Variants in LSAMP observed in about 807,000 individuals in gnomAD.
The protein encoded by LSAMP is limbic system-associated membrane protein.
Under a neutral mutation model 38.6 loss-of-function variants are expected in LSAMP, and 7 were observed. The observed-to-expected ratio is 0.18, with a 90% CI of 0.10 to 0.34. The LOEUF is 0.34. Ranked by LOEUF, LSAMP falls within the 10% of genes least tolerant of loss-of-function variation. LSAMP has a pLI of 1.00. For missense variants in LSAMP, 313 were observed against 420.0 expected, an observed-to-expected ratio of 0.75 and a Z score of 2.23; for synonymous variants, 154 against 166.8, an observed-to-expected ratio of 0.92 and a Z score of 0.59.
At position 116,105,190 on chromosome 3, in the gene LSAMP, A is replaced by C. The variant is rs937742418; in HGVS notation, c.156-18634T>G. 2.6e-5 allele frequency among the ~76,000 whole-genome samples: 4 copies of C among 151,746 alleles called. No homozygotes were observed. In the South Asian group the frequency reaches 6.2e-4, roughly 24 times the overall value. On this transcript the variant is annotated intron_variant, in intron 1 of 6. Coordinates refer to ENST00000490035, the MANE Select transcript of LSAMP (RefSeq NM_002338.5). ...TTTGACTAGGGGGAAAAAAAAAAAA[A>C]CTGCCACAGCTGGTGATATACAGTC...
intron 1 of LSAMP, among the ~76,000 whole-genome samples, chr3:116,128,943 T>C (rs1709066648): frequency 6.6e-6 from 1 of 152,168 alleles, no homozygotes; most frequent in Admixed American, 6.5e-5. Context: ...TTCAGCGATG[T>C]GACAACATCC....
intron 1 of LSAMP, among the ~76,000 whole-genome samples, chr3:116,247,728 G>A (rs2046622261): frequency 6.6e-6 from 1 of 152,182 alleles, no homozygotes; most frequent in Non-Finnish European, 1.5e-5. Flanking sequence ...TCAGAAAGAA[G>A]AGACTTCAGT....
At chr3:116,040,516 C>G (rs1941145140) in intron 2 of LSAMP, among the ~76,000 whole-genome samples, 1 of 152,142 alleles carries the variant, frequency 6.6e-6, no homozygotes, top group Admixed American at 6.5e-5. Flanking sequence ...ATTTGTGTAC[C>G]CACCATTCTT....
chr3:116,316,841 G>A (rs953094725), intron 1 of LSAMP, among the ~76,000 whole-genome samples: 2 of 151,192 alleles, frequency 1.3e-5, no homozygotes, highest in African/African-American at 2.4e-5. Context: ...TTAAAAATGA[G>A]GTGTCAAGCA....
At chr3:116,275,356 C>T (rs1440527061) in intron 1 of LSAMP, among the ~76,000 whole-genome samples, 1 of 152,132 alleles carries the variant, frequency 6.6e-6, no homozygotes, top group Non-Finnish European at 1.5e-5. Flanking sequence ...CCCTGCCCCA[C>T]CGCCCACATT....
intron 2 of LSAMP, among the ~76,000 whole-genome samples, chr3:116,075,036 C>T (rs1707706083): frequency 6.6e-6 from 1 of 151,758 alleles, no homozygotes; most frequent in Non-Finnish European, 1.5e-5. Flanking sequence ...TGGGGTTTCT[C>T]CATGTTGGTC....
intron 1 of LSAMP, among the ~76,000 whole-genome samples, chr3:116,326,390 T>A (rs1041301224): frequency 2.0e-5 from 3 of 152,144 alleles, no homozygotes; most frequent in Non-Finnish European, 4.4e-5. Context: ...CCAGATCTGA[T>A]TCCTTTGAAC....
chr3:115,826,848 T>C (rs2107475428), intron 6 of LSAMP, among the ~76,000 whole-genome samples: 1 of 151,802 alleles, frequency 6.6e-6, no homozygotes, highest in South Asian at 2.1e-4. Flanking sequence ...CAAGAGCAAG[T>C]GGAGAGTACA....
intron 1 of LSAMP, among the ~76,000 whole-genome samples, chr3:116,292,016 A>G (rs976879889): frequency 2.0e-5 from 3 of 152,220 alleles, no homozygotes; most frequent in South Asian, 2.1e-4. Flanking sequence ...CTCAGCAATC[A>G]TCAACATAAA....
chr3:116,228,492 G>A (rs1009922781), intron 1 of LSAMP, among the ~76,000 whole-genome samples: 1 of 151,700 alleles, frequency 6.6e-6, no homozygotes, highest in Non-Finnish European at 1.5e-5. Flanking sequence ...GTAAAATGAG[G>A]GTATACGTAA....
chr3:115,854,138 A>C (rs1038227221), intron 3 of LSAMP, among the ~76,000 whole-genome samples: 2 of 151,992 alleles, frequency 1.3e-5, no homozygotes, highest in African/African-American at 2.4e-5. Flanking sequence ...TGATTAAAAA[A>C]ACAGGCAAGA....
At chr3:116,311,657 G>A (rs2047560118) in intron 1 of LSAMP, among the ~76,000 whole-genome samples, 1 of 152,104 alleles carries the variant, frequency 6.6e-6, no homozygotes, top group Non-Finnish European at 1.5e-5. Context: ...CTGCCACTAC[G>A]AGCTGGAGGA....
rs997038087 is a variant in LSAMP, at chr3:115,891,508, C to A, written c.515-38891G>T. Among the ~76,000 whole-genome samples, 4 of 152,004 alleles carry A rather than the reference C, an allele frequency of 2.6e-5. No individual in the cohort carries two copies. The South Asian group carries it at 8.3e-4, about 32-fold the overall frequency. ...TATGAGTGATCTCAGGTGAGATCAGCAGTCACCTGGCCCACCATCAGTGCT... is the reference window on the plus strand; with the variant it reads ...TATGAGTGATCTCAGGTGAGATCAGAAGTCACCTGGCCCACCATCAGTGCT... On this transcript the variant is annotated intron_variant, in intron 3 of 6. Transcript: ENST00000490035.
chr3:115,889,647 A>C (rs1426402257), intron 3 of LSAMP, among the ~76,000 whole-genome samples: 14 of 151,924 alleles, frequency 9.2e-5, no homozygotes, highest in Admixed American at 6.6e-4. Flanking sequence ...GAGAGTAAAA[A>C]CTAGCAGTGA....
rs529337343 is a variant in LSAMP at position 116,432,488 on chromosome 3, T to A, written c.155+12389A>T. 1.5e-4 allele frequency among the ~76,000 whole-genome samples: 23 copies of A among 151,930 alleles called. No individual in the cohort carries two copies. In the South Asian group the frequency reaches 4.6e-3, roughly 30 times the overall value. Reference sequence around the variant, plus strand: ...GAATTAGATTTTGAGTTCTGTTTTATTTTTATGCAAGAATGAAGGCATTAA... The same window carrying A: ...GAATTAGATTTTGAGTTCTGTTTTAATTTTATGCAAGAATGAAGGCATTAA... On this transcript the variant is annotated intron_variant, in intron 1 of 6. Coordinates refer to ENST00000490035, the MANE Select transcript of LSAMP (RefSeq NM_002338.5).
At chr3:115,970,134 G>T (rs1302504678) in intron 3 of LSAMP, among the ~76,000 whole-genome samples, 1 of 152,140 alleles carries the variant, frequency 6.6e-6, no homozygotes, top group Admixed American at 6.6e-5. Context: ...AAATAGGCAG[G>T]AAGGGGAGAA....
chr3:115,843,236 A>G (rs920934593), intron 4 of LSAMP, among the ~76,000 whole-genome samples: 1 of 152,348 alleles, frequency 6.6e-6, no homozygotes, highest in Middle Eastern at 3.4e-3. Flanking sequence ...ACTTACTGGT[A>G]TATCAGCCTT....
At chr3:116,168,401 G>T (rs191132061) in intron 1 of LSAMP, among the ~76,000 whole-genome samples, 2 of 152,098 alleles carry the variant, frequency 1.3e-5, no homozygotes, top group African/African-American at 2.4e-5. Flanking sequence ...TTTATTGTCA[G>T]TTTTGTTCCA....
chr3:116,130,193 G>A (rs952016599), intron 1 of LSAMP, among the ~76,000 whole-genome samples: 1 of 151,930 alleles, frequency 6.6e-6, no homozygotes, highest in Non-Finnish European at 1.5e-5. Flanking sequence ...TCATACATCC[G>A]CCACTATCCT....
Sources: gnomAD v4.1 joint callset for allele counts (sites outside exome capture counted in the v4.1 genomes callset) on GRCh38, gnomAD v4.1.1 for gene constraint, MANE v1.5 for transcripts, NCBI Gene and HGNC (gene_info 2026-07-23, HGNC 2026-07-21) for gene names.